The following FAIM variants were observed in gnomAD, a reference collection of about 807,000 sequenced individuals.
The protein encoded by FAIM is fas apoptotic inhibitory molecule 1.
Under a neutral mutation model 21.2 loss-of-function variants are expected in FAIM, and 14 were observed. The observed-to-expected ratio is 0.66, with a 90% CI of 0.44 to 1.03. The LOEUF (loss-of-function observed/expected upper bound fraction) is 1.03, where lower values mean the gene tolerates loss of function less well. Ranked by LOEUF, FAIM falls within the 50% of genes least tolerant of loss-of-function variation. The pLI is 0.00. For missense variants in FAIM, 222 were observed against 247.1 expected, an observed-to-expected ratio of 0.90 and a Z score of 0.68; for synonymous variants, 86 against 80.4, an observed-to-expected ratio of 1.07 and a Z score of -0.37.
chr3:138,614,250 G>A (rs1485924913), intron 1 of FAIM, among the ~76,000 whole-genome samples: 1 of 152,044 alleles, frequency 6.6e-6, no homozygotes, highest in African/African-American at 2.4e-5. Context: ...GACCAGCTGG[G>A]GCAACATGGT....
At chr3:138,627,208 A>G (rs927366340) in intron 4 of FAIM, among the ~76,000 whole-genome samples, 1 of 145,472 alleles carries the variant, frequency 6.9e-6, no homozygotes, top group African/African-American at 2.6e-5. Flanking sequence ...CCAAGACAGG[A>G]TCTCACTCTG....
At chr3:138,613,760 C>T (rs956904215) in intron 1 of FAIM, among the ~76,000 whole-genome samples, 10 of 152,172 alleles carry the variant, frequency 6.6e-5, no homozygotes, top group South Asian at 4.1e-4. Context: ...GCTGGGAATG[C>T]GGGTGTGAGC....
At chr3:138,624,246 C>A (rs2042916815) in intron 4 of FAIM, among the ~76,000 whole-genome samples, 1 of 152,076 alleles carries the variant, frequency 6.6e-6, no homozygotes, top group Admixed American at 6.5e-5. Context: ...TGAAACCAGG[C>A]CTTTAAATTA....
At position 138,629,169 on chromosome 3, in the gene FAIM, T is replaced by C. The variant is rs766861724; in HGVS notation, c.456+13T>C. 3 of 1,602,240 alleles carry C rather than the reference T, an allele frequency of 1.9e-6. No individual in the cohort carries two copies. The highest frequency in any genetic ancestry group is 2.6e-6 in the Non-Finnish European group (3 of 1,171,272). On this transcript the variant is annotated intron_variant, in intron 5 of 5. Transcript: ENST00000360570. ...ATTGGAGACAGCGGTAAGTTGACTATTTGATGACTCTAAGTGCCATGTGTC... is the reference window on the plus strand; with the variant it reads ...ATTGGAGACAGCGGTAAGTTGACTACTTGATGACTCTAAGTGCCATGTGTC...
intron 5 of FAIM, chr3:138,629,508 C>T (rs941294025): frequency 4.2e-5 from 7 of 167,634 alleles, no homozygotes; most frequent in Non-Finnish European, 3.8e-5. Flanking sequence ...TGAAGTGGTG[C>T]GTTATCACTG....
At chr3:138,617,477 G>A (rs2042837149) in intron 1 of FAIM, among the ~76,000 whole-genome samples, 1 of 145,974 alleles carries the variant, frequency 6.9e-6, no homozygotes, top group Non-Finnish European at 1.5e-5. Flanking sequence ...TCCAGACTGG[G>A]CAACAGAGTG....
intron 4 of FAIM, among the ~76,000 whole-genome samples, chr3:138,624,306 T>G (rs1258330965): frequency 6.6e-6 from 1 of 152,230 alleles, no homozygotes; most frequent in Non-Finnish European, 1.5e-5. Context: ...ACAATTGATA[T>G]TAACTTTTCC....
At chr3:138,618,536 C>G (rs997396453) in intron 1 of FAIM, among the ~76,000 whole-genome samples, 10 of 152,068 alleles carry the variant, frequency 6.6e-5, no homozygotes, top group African/African-American at 2.2e-4. Flanking sequence ...GATGTGGTGG[C>G]ATGCAGTTGT....
chr3:138,616,195 A>G (rs1347796379), intron 1 of FAIM, among the ~76,000 whole-genome samples: 1 of 152,160 alleles, frequency 6.6e-6, no homozygotes, highest in Non-Finnish European at 1.5e-5. Context: ...TGAAAATTGT[A>G]TGACTCTCTC....
At chr3:138,630,936 G>A (rs1560501444) in intron 5 of FAIM, 1 of 151,990 alleles carries the variant, frequency 6.6e-6, no homozygotes, top group African/African-American at 2.4e-5. Context: ...CTAGGAGTTA[G>A]AGACTAGTCT....
rs115829764 is a variant in FAIM at position 138,612,409 on chromosome 3, C to G, written c.-17+3472C>G. ...AGTCACCGCGCCCGGCCTTGTCTGGCTATTTCACTTAGCATAAAGTTTTCA... is the reference window on the plus strand; with the variant it reads ...AGTCACCGCGCCCGGCCTTGTCTGGGTATTTCACTTAGCATAAAGTTTTCA... On this transcript the variant is annotated intron_variant, in intron 1 of 5. Transcript: ENST00000360570. 5.0e-3 allele frequency among the ~76,000 whole-genome samples: 766 copies of G among 152,212 alleles called. 7 individuals carry two copies. The highest frequency in any genetic ancestry group is 0.017 in the African/African-American group (695 of 41,518).
At chr3:138,621,113 C>G in intron 2 of FAIM, 1 of 310,840 alleles carries the variant, frequency 3.2e-6, no homozygotes, top group Non-Finnish European at 6.0e-6. Context: ...TGTAGCCTAA[C>G]CTAGAATACT....
intron 1 of FAIM, chr3:138,610,714 C>T (rs750589740): frequency 6.1e-6 from 2 of 330,440 alleles, no homozygotes; most frequent in Non-Finnish European, 1.1e-5. Context: ...TCCGGAGTAG[C>T]TGGGATTTAC....
intron 1 of FAIM, 134 bp from the exon 2 acceptor site, chr3:138,619,577 T>C: frequency 2.8e-6 from 2 of 708,350 alleles, no homozygotes; most frequent in Non-Finnish European, 4.8e-6. Flanking sequence ...AGCTGTTTCA[T>C]CTGAAACTCC....
intron 4 of FAIM, among the ~76,000 whole-genome samples, chr3:138,628,772 C>T (rs111244408): frequency 2.4e-4 from 37 of 152,066 alleles, no homozygotes; most frequent in Admixed American, 9.8e-4. Flanking sequence ...CGTGAGCCAC[C>T]GCGCCCGGCC....
chr3:138,619,882 A>T, intron 2 of FAIM, 112 bp downstream of exon 2: 1 of 1,052,402 alleles, frequency 9.5e-7, no homozygotes, highest in South Asian at 1.5e-5. Context: ...GTAAAATTGC[A>T]GAATACATGG....
At chr3:138,612,096 ATTTT>A (rs138371254) in intron 1 of FAIM, among the ~76,000 whole-genome samples, 3 of 100,802 alleles carry the variant, frequency 3.0e-5, no homozygotes, top group Non-Finnish European at 1.9e-5. Flanking sequence ...TTGTCTGGCT[ATTTT>A]TTTTTTTTTT....
rs370040240 is a variant in FAIM at position 138,616,622 on chromosome 3, G to A, written c.-16-3089G>A. Among the ~76,000 whole-genome samples, 3 of 152,250 alleles carry A rather than the reference G, an allele frequency of 2.0e-5. No individual in the cohort carries two copies. The East Asian group carries it at 5.8e-4, about 29-fold the overall frequency. ...GATTCTCCTGTCTCAGCCTCTCAAA[G>A]TGCGGGGATTACAGGGATGAGCCAC... On this transcript the variant is annotated intron_variant, in intron 1 of 5. Coordinates refer to ENST00000360570, the MANE Select transcript of FAIM (RefSeq NM_001033031.2).
intron 4 of FAIM, among the ~76,000 whole-genome samples, chr3:138,624,600 T>C (rs1251586629): frequency 2.0e-5 from 3 of 152,172 alleles, no homozygotes; most frequent in Non-Finnish European, 2.9e-5. Context: ...GCATATGTTA[T>C]TGATATTGCT....
Sources: gnomAD v4.1 joint callset for allele counts (sites outside exome capture counted in the v4.1 genomes callset) on GRCh38, gnomAD v4.1.1 for gene constraint, MANE v1.5 for transcripts, NCBI Gene and HGNC (gene_info 2026-07-23, HGNC 2026-07-21) for gene names.